AGBL1: variants seen among roughly 807,000 people sequenced by gnomAD.
The protein encoded by AGBL1 is AGBL carboxypeptidase 1, also known as cytosolic carboxypeptidase 4.
AGBL1 carries 130 observed loss-of-function variants against 118.9 expected under a neutral mutation model. The ratio of observed to expected loss-of-function variants is 1.09; its 90% CI spans 0.95 to 1.26. AGBL1 has a LOEUF of 1.26. Among genes scored for constraint, AGBL1 ranks in the 50% most tolerant of loss-of-function variants. The probability of loss-of-function intolerance (pLI) is 0.00; values close to 1 mark genes in which losing one functional copy is unlikely to be tolerated. For synonymous variants in AGBL1, 555 were observed against 478.9 expected, an observed-to-expected ratio of 1.16 and a Z score of -2.08; for missense variants, 1,584 against 1,298.1, an observed-to-expected ratio of 1.22 and a Z score of -3.38.
At chr15:86,457,386 A>T (rs2082274469) in intron 18 of AGBL1, among the ~76,000 whole-genome samples, 1 of 152,182 alleles carries the variant, frequency 6.6e-6, no homozygotes, top group Non-Finnish European at 1.5e-5. Context: ...GGTTCGTCGC[A>T]GCCTCTGCAC....
intron 22 of AGBL1, among the ~76,000 whole-genome samples, chr15:86,750,120 T>G (rs2077824089): frequency 6.6e-6 from 1 of 152,028 alleles, no homozygotes; most frequent in Admixed American, 6.6e-5. Flanking sequence ...GAGGCAATAA[T>G]TTTTAATACT....
intron 17 of AGBL1, among the ~76,000 whole-genome samples, chr15:86,334,377 A>G (rs866173522): frequency 4.9e-4 from 74 of 152,322 alleles, no homozygotes; most frequent in African/African-American, 1.8e-3. Context: ...CATCAATAAC[A>G]TTCAAACTGA....
intron 23 of AGBL1, among the ~76,000 whole-genome samples, chr15:86,925,175 A>AC (rs2080522035): frequency 1.1e-5 from 1 of 91,712 alleles, no homozygotes; most frequent in African/African-American, 5.4e-5. Flanking sequence ...GAGGAAGAGG[A>AC]AGAGGAAGAG....
rs542461072 is a variant in AGBL1, at chr15:87,014,815, A to G, written c.3324-14010A>G. Among the ~76,000 whole-genome samples the G allele has an allele frequency of 1.4e-4, 22 of 152,292 alleles. 1 individual carries two copies. In the South Asian group the frequency reaches 4.4e-3, roughly 30 times the overall value. On this transcript the variant is annotated intron_variant, in intron 24 of 24. Coordinates refer to the AGBL1 transcript ENST00000441037. ...TCTATCTCCCTACTTGCCCTCCATT[A>G]GAAGATTGCTTAAAGAAACTCCTTT...
At chr15:86,475,299 C>T (rs2082541979) in intron 18 of AGBL1, among the ~76,000 whole-genome samples, 1 of 152,082 alleles carries the variant, frequency 6.6e-6, no homozygotes, top group Non-Finnish European at 1.5e-5. Context: ...AAGTTCGAAC[C>T]CACTGCAAAG....
At chr15:86,708,209 G>T (rs2086488134) in intron 22 of AGBL1, among the ~76,000 whole-genome samples, 1 of 152,076 alleles carries the variant, frequency 6.6e-6, no homozygotes, top group South Asian at 2.1e-4. Context: ...GCCAATATTG[G>T]ATTGGACCCA....
intron 17 of AGBL1, among the ~76,000 whole-genome samples, chr15:86,338,958 A>G (rs1405533444): frequency 6.6e-6 from 1 of 152,188 alleles, no homozygotes; most frequent in Non-Finnish European, 1.5e-5. Context: ...CTAGAGGGTT[A>G]CAAGTGTTCC....
At chr15:86,217,622 A>C (rs1474836525) in intron 5 of AGBL1, among the ~76,000 whole-genome samples, 1 of 152,246 alleles carries the variant, frequency 6.6e-6, no homozygotes, top group Non-Finnish European at 1.5e-5. Flanking sequence ...TGTAAAGGAT[A>C]AAGTATGAGA....
At chr15:86,608,411 A>C (rs2142385518) in intron 21 of AGBL1, among the ~76,000 whole-genome samples, 1 of 152,354 alleles carries the variant, frequency 6.6e-6, no homozygotes, top group Non-Finnish European at 1.5e-5. Flanking sequence ...TGCAAGAGCA[A>C]GCAAGAATAT....
chr15:86,345,337 T>C (rs1192574506), intron 17 of AGBL1, among the ~76,000 whole-genome samples: 2 of 152,156 alleles, frequency 1.3e-5, no homozygotes, highest in Non-Finnish European at 2.9e-5. Flanking sequence ...CCTCCCACAG[T>C]TTGTGGCACC....
intron 22 of AGBL1, among the ~76,000 whole-genome samples, chr15:86,724,848 T>C (rs548024461): frequency 6.6e-6 from 1 of 152,240 alleles, no homozygotes; most frequent in African/African-American, 2.4e-5. Flanking sequence ...GTGTGACAAG[T>C]AGGTTTCTCT....
rs919419092 is a variant in AGBL1 at position 86,142,019 on chromosome 15, G to C, written c.67G>C (p.Glu23Gln). The C allele has an allele frequency of 6.5e-7, 1 of 1,550,008 alleles. No homozygotes were observed. The highest frequency in any genetic ancestry group is 8.7e-7 in the Non-Finnish European group (1 of 1,146,796). ...LHTLQSSSDK[E>Q]SILTILKVLG... ...CTCATTGCAGAGCTCCTCTGACAAG[G>C]AGTCCATCCTGACCATCCTCAAGGT... The change falls in exon 2 of 23, where the codon GAG (glutamate) becomes CAG (glutamine). Residue 23 changes from glutamate (E) to glutamine (Q), a missense_variant. Coordinates refer to ENST00000614907, the MANE Select transcript of AGBL1 (RefSeq NM_001386094.1).
chr15:86,685,460 A>G (rs948789298), intron 22 of AGBL1, among the ~76,000 whole-genome samples: 1 of 152,176 alleles, frequency 6.6e-6, no homozygotes, highest in Non-Finnish European at 1.5e-5. Flanking sequence ...TAAGTTTATG[A>G]TGACTTAGCA....
At chr15:86,834,594 G>A (rs1002671729) in intron 22 of AGBL1, among the ~76,000 whole-genome samples, 1 of 152,012 alleles carries the variant, frequency 6.6e-6, no homozygotes, top group African/African-American at 2.4e-5. Context: ...AGTGCTGCTA[G>A]GGGAACACTG....
intron 24 of AGBL1, among the ~76,000 whole-genome samples, chr15:86,999,801 C>A (rs1433798166): frequency 7.2e-6 from 1 of 139,460 alleles, no homozygotes; most frequent in Non-Finnish European, 1.5e-5. Context: ...GGAATCGCCA[C>A]ACTGACTTCC....
intron 18 of AGBL1, among the ~76,000 whole-genome samples, chr15:86,437,081 T>C (rs560266261): frequency 1.3e-5 from 2 of 152,236 alleles, no homozygotes; most frequent in African/African-American, 4.8e-5. Flanking sequence ...GCTTCTCCCC[T>C]AGTTGCTATC....
rs1487078727 is a variant in AGBL1, at chr15:86,911,470, A to G, written c.*4176A>G. ...ACATTTCCTTCAGAAGGAAGTCTAA[A>G]TGTCTCAACAGATCCCTTTATAGCC... On this transcript the variant is annotated 3_prime_UTR_variant, in exon 23 of 23. Transcript: ENST00000614907. 3 of 152,152 alleles carry G rather than the reference A, an allele frequency of 2.0e-5. No individual in the cohort carries two copies. The highest frequency in any genetic ancestry group is 7.2e-5 in the African/African-American group (3 of 41,438). The allele number at this position is 152,152 out of a possible 1,614,324, so 9.4% of individuals were successfully genotyped here. A position where few individuals can be genotyped will look rare whatever the true frequency, so the allele number is the denominator to read the frequency against.
chr15:86,935,064 C>G (rs2080651686), intron 23 of AGBL1: 1 of 152,096 alleles, frequency 6.6e-6, no homozygotes, highest in African/African-American at 2.4e-5. Flanking sequence ...TGGTCTTGTC[C>G]TATTTTGTAA....
At chr15:86,741,144 G>C (rs1445812157) in intron 22 of AGBL1, among the ~76,000 whole-genome samples, 1 of 151,726 alleles carries the variant, frequency 6.6e-6, no homozygotes, top group East Asian at 1.9e-4. Flanking sequence ...ACAAGTTAGG[G>C]GACCACTGTG....
Sources: gnomAD v4.1 joint callset for allele counts (sites outside exome capture counted in the v4.1 genomes callset) on GRCh38, gnomAD v4.1.1 for gene constraint, MANE v1.5 for transcripts, NCBI Gene and HGNC (gene_info 2026-07-23, HGNC 2026-07-21) for gene names.